RRM2: variants seen among roughly 807,000 people sequenced by gnomAD.
The protein encoded by RRM2 is ribonucleoside-diphosphate reductase subunit M2.
In RRM2, 6 loss-of-function variants were observed where a neutral mutation model predicts 45.9. The observed-to-expected ratio is 0.13, with a 90% CI of 0.07 to 0.26. The LOEUF is 0.26. RRM2 is among the 10% of genes least tolerant of loss of function. The pLI, the probability that RRM2 is intolerant of heterozygous loss-of-function variation, is 1.00. For synonymous variants in RRM2, 177 were observed against 173.0 expected, an observed-to-expected ratio of 1.02 and a Z score of -0.18; for missense variants, 343 against 489.5, an observed-to-expected ratio of 0.70 and a Z score of 2.82.
chr2:10,210,554 G>GAGC (rs1264028448), exon 4 of RRM2: 1 of 1,366,634 alleles, frequency 7.3e-7, no homozygotes, highest in Non-Finnish European at 9.8e-7. Flanking sequence ...CAGGCCTGCG[G>GAGC]AGCAGGTGGA....
intron 3 of RRM2, among the ~76,000 whole-genome samples, chr2:10,187,092 C>A (rs574923607): frequency 6.6e-6 from 1 of 152,204 alleles, no homozygotes; most frequent in Non-Finnish European, 1.5e-5. Flanking sequence ...TCCTTGCCAG[C>A]GCTGCATGGC....
At chr2:10,176,749 T>A (rs560310560) in intron 3 of RRM2, among the ~76,000 whole-genome samples, 7 of 152,336 alleles carry the variant, frequency 4.6e-5, no homozygotes, top group Non-Finnish European at 8.8e-5. Flanking sequence ...ATCTATTAAT[T>A]CCCCTATTGA....
chr2:10,198,984 C>G (rs1664476158), intron 3 of RRM2: 1 of 152,102 alleles, frequency 6.6e-6, no homozygotes, highest in African/African-American at 2.4e-5. Flanking sequence ...GGTTTTTAAT[C>G]AAGGGGAACT....
chr2:10,153,060 G>A (rs1663349631), intron 3 of RRM2, among the ~76,000 whole-genome samples: 1 of 152,072 alleles, frequency 6.6e-6, no homozygotes, highest in Non-Finnish European at 1.5e-5. Context: ...GGCCGGGTGT[G>A]GTGGCTCATG....
chr2:10,137,803 A>G (rs762282257), upstream of RRM2, among the ~76,000 whole-genome samples: 47 of 152,166 alleles, frequency 3.1e-4, no homozygotes, highest in Non-Finnish European at 6.2e-4. Context: ...CCTCTACTTC[A>G]GGGGGGTCTA....
chr2:10,139,637 A>T (rs911509546), upstream of RRM2, among the ~76,000 whole-genome samples: 1 of 152,288 alleles, frequency 6.6e-6, no homozygotes, highest in South Asian at 2.1e-4. Context: ...CCATCAGGAA[A>T]TGAGGTGCTG....
rs1455048436 is a variant in RRM2, at chr2:10,200,632, GAGGCCCACAGGCAC to G, written n.483-9678_483-9665del. On this transcript the variant is annotated intron_variant and non_coding_transcript_variant, in intron 3 of 3. Transcript: ENST00000381786. ...CACAGGGACCGCGCGCGCAAAATAT[GAGGCCCACAGGCAC>G]CGCGCACACAAAATATGAGGCCCAC... Among the ~76,000 whole-genome samples the G allele has an allele frequency of 2.8e-4, 27 of 96,356 alleles. 1 individual carries two copies. The highest frequency in any genetic ancestry group is 1.4e-3 in the East Asian group (5 of 3,692). The allele number at this position is 96,356 out of a possible 152,430, so 63.2% of individuals were successfully genotyped here.
At chr2:10,207,574 C>G (rs967327875) in intron 3 of RRM2, among the ~76,000 whole-genome samples, 10 of 152,216 alleles carry the variant, frequency 6.6e-5, no homozygotes, top group African/African-American at 2.4e-4. Context: ...TTTGGCCCCT[C>G]ATGGGTGCCA....
intron 3 of RRM2, among the ~76,000 whole-genome samples, chr2:10,182,696 T>C (rs922716905): frequency 6.6e-6 from 1 of 152,190 alleles, no homozygotes; most frequent in Non-Finnish European, 1.5e-5. Flanking sequence ...GGATGAGCCA[T>C]GAGGACCGGC....
intron 3 of RRM2, among the ~76,000 whole-genome samples, chr2:10,198,242 A>G (rs77971721): frequency 0.07 from 10,662 of 152,176 alleles, 554 homozygotes; most frequent in African/African-American, 0.15. Flanking sequence ...GCAGTCCTCC[A>G]CTTCTGGTCC....
At chr2:10,181,016 C>T (rs1360291016) in intron 3 of RRM2, among the ~76,000 whole-genome samples, 2 of 152,196 alleles carry the variant, frequency 1.3e-5, no homozygotes, top group African/African-American at 2.4e-5. Flanking sequence ...ATCTACCTGC[C>T]TCAGCCTCCC....
intron 3 of RRM2, among the ~76,000 whole-genome samples, chr2:10,188,816 C>T (rs1043146140): frequency 3.9e-5 from 6 of 152,184 alleles, no homozygotes; most frequent in Admixed American, 3.3e-4. Context: ...AGGAAGAGGG[C>T]GCTGCGGAGA....
At chr2:10,157,796 G>C (rs1270615279) in intron 3 of RRM2, among the ~76,000 whole-genome samples, 1 of 152,158 alleles carries the variant, frequency 6.6e-6, no homozygotes, top group Non-Finnish European at 1.5e-5. Context: ...TAATGGCTCA[G>C]TTTTGCTCCT....
intron 3 of RRM2, among the ~76,000 whole-genome samples, chr2:10,150,730 T>C (rs906666814): frequency 4.7e-5 from 7 of 150,328 alleles, no homozygotes; most frequent in African/African-American, 1.5e-4. Context: ...GAGTTTACAT[T>C]TTCTAGAATT....
upstream of RRM2, among the ~76,000 whole-genome samples, chr2:10,140,690 G>C (rs950757248): frequency 6.6e-6 from 1 of 152,224 alleles, no homozygotes; most frequent in Non-Finnish European, 1.5e-5. Context: ...TGGGTATACT[G>C]TGCTTACGTT....
rs529130526 is a variant in RRM2 at position 10,127,570 on chromosome 2, G to A, written c.798+350G>A. 6.6e-6 allele frequency among the ~76,000 whole-genome samples: 1 copy of A among 152,216 alleles called. No individual in the cohort carries two copies. Among genetic ancestry groups the A allele is most frequent in the South Asian group, 2.1e-4 (1 of 4,816 alleles). Reference sequence around the variant, plus strand: ...GCTCACTGCAACCTCTGCCTCCTAGGTTCAAGTGATTCTCCCGCCTCAGCC... The same window carrying A: ...GCTCACTGCAACCTCTGCCTCCTAGATTCAAGTGATTCTCCCGCCTCAGCC... On this transcript the variant is annotated intron_variant, in intron 7 of 9. Transcript: ENST00000304567. The surrounding 1 kb of genome is among the most constrained non-coding windows in gnomAD (Gnocchi z 4.1).
At chr2:10,143,777 C>T (rs763472411) in intron 3 of RRM2, among the ~76,000 whole-genome samples, 3 of 152,208 alleles carry the variant, frequency 2.0e-5, no homozygotes, top group Non-Finnish European at 4.4e-5. Context: ...AAGCAATTCT[C>T]CTGCCTCAGC....
Position 10,122,883 on chromosome 2 carries a change from G to C in RRM2, c.85G>C (p.Asp29His). The C allele has an allele frequency of 1.9e-6, 3 of 1,594,942 alleles. No homozygotes were observed. The highest frequency in any genetic ancestry group is 2.6e-6 in the Non-Finnish European group (3 of 1,173,200). The change falls in exon 1 of 10, where the codon GAC becomes CAC. Residue 29 changes from aspartate to histidine, a missense_variant. Physicochemically the swap from Asp to His is moderately conservative, Grantham distance 81 (BLOSUM62 -1). Transcript: ENST00000304567. ...LSPLKGLSLV[D>H]KENTPPALSG... ...GCCGCTGAAGGGGCTCAGCTTGGTC[G>C]ACAAGGAGAACACGGTGAGCCCGCG...
chr2:10,166,898 C>G (rs1023424754), intron 3 of RRM2, among the ~76,000 whole-genome samples: 2 of 152,182 alleles, frequency 1.3e-5, no homozygotes, highest in African/African-American at 4.8e-5. Flanking sequence ...GGGTTGGGAG[C>G]GTGGCAATGG....
Sources: allele counts gnomAD v4.1 joint callset (sites outside exome capture counted in the v4.1 genomes callset), GRCh38; gene constraint gnomAD v4.1.1; non-coding constraint Gnocchi (gnomAD v3.1); transcripts MANE v1.5; gene names NCBI Gene and HGNC (gene_info 2026-07-23, HGNC 2026-07-21).